CD34: variants seen among roughly 807,000 people sequenced by gnomAD.
CD34 encodes the protein hematopoietic progenitor cell antigen CD34.
CD34 carries 34 observed loss-of-function variants against 40.1 expected under a neutral mutation model. That is an observed-to-expected ratio of 0.85 (90% CI 0.65 to 1.13). The LOEUF is 1.13. Ranked by LOEUF, CD34 falls within the 50% of genes most tolerant of loss-of-function variation. The probability of loss-of-function intolerance (pLI) is 0.00; values close to 1 mark genes in which losing one functional copy is unlikely to be tolerated. For missense variants in CD34, 426 were observed against 466.9 expected, an observed-to-expected ratio of 0.91 and a Z score of 0.81; for synonymous variants, 209 against 190.0, an observed-to-expected ratio of 1.10 and a Z score of -0.82.
At chr1:207,891,892 G>A (rs1662045312) in intron 4 of CD34, among the ~76,000 whole-genome samples, 1 of 152,044 alleles carries the variant, frequency 6.6e-6, no homozygotes, top group Admixed American at 6.6e-5. Context: ...GACATACTAA[G>A]GAGCGTGAGG....
At chr1:207,898,114 T>C (rs579475) in intron 3 of CD34, among the ~76,000 whole-genome samples, 122,494 of 151,576 alleles carry the variant, frequency 0.81, 49,946 homozygotes, top group Admixed American at 0.87. Context: ...GGCATGATCT[T>C]GGCTCACTGC....
intron 1 of CD34, among the ~76,000 whole-genome samples, chr1:207,906,210 A>G (rs1662377510): frequency 6.6e-6 from 1 of 152,198 alleles, no homozygotes; most frequent in Non-Finnish European, 1.5e-5. Context: ...CAGCCCAAAG[A>G]ATAGAATTAG....
At chr1:207,905,246 C>T (rs1467687646) in intron 1 of CD34, among the ~76,000 whole-genome samples, 1 of 152,236 alleles carries the variant, frequency 6.6e-6, no homozygotes, top group Admixed American at 6.5e-5. Context: ...AGACATTCTC[C>T]TGCCTCAGCC....
chr1:207,911,069 G>T lies in CD34; in HGVS notation c.12C>A (p.Arg4=), dbSNP rs1402814444. 1 of 1,585,838 alleles carries T rather than the reference G, an allele frequency of 6.3e-7. No individual in the cohort carries two copies. The stretch of plus-strand genomic sequence containing the variant: ...TCCTGGGCCCTGCGCGCGCGCCCCT[G>T]CGGACCAGCATCCTTCCCGCGCGGC... MLV[R]RGARAGPRMP... Residue 4 remains arginine (R), a synonymous_variant, in exon 1 of 8, where the codon CGC becomes CGA. Transcript: ENST00000310833.
chr1:207,888,616 A>G (rs760185015), intron 7 of CD34, 66 bp downstream of exon 7: 2 of 1,488,852 alleles, frequency 1.3e-6, no homozygotes, highest in Non-Finnish European at 1.9e-6. Context: ...GCTCCATGAC[A>G]TCCACTGAAC....
At chr1:207,891,068 T>C (rs1458997531) in intron 4 of CD34, among the ~76,000 whole-genome samples, 1 of 151,722 alleles carries the variant, frequency 6.6e-6, no homozygotes, top group Non-Finnish European at 1.5e-5. Context: ...AGGAGGGGGT[T>C]TCTTGCCTGG....
rs1662238386 is a variant in CD34, at chr1:207,899,866, G to A, written c.217C>T (p.His73Tyr). Residue 73 changes from histidine (H) to tyrosine (Y), a missense_variant, in exon 2 of 8, where the codon CAC (histidine) becomes TAC (tyrosine). Physicochemically the swap from His to Tyr is moderately conservative, Grantham distance 83. Coordinates refer to ENST00000310833, the MANE Select transcript of CD34 (RefSeq NM_001025109.2). ...TPSTLGSTSL[H>Y]PVSQHGNEAT... Reference sequence around the variant, plus strand: ...TCATTGCCATGTTGAGACACAGGGTGCAGGCTGGTACTTCCAAGGGTACTA... The same window carrying A: ...TCATTGCCATGTTGAGACACAGGGTACAGGCTGGTACTTCCAAGGGTACTA... 6.2e-7 allele frequency: 1 copy of A among 1,613,684 alleles called. No individual in the cohort carries two copies. The highest frequency in any genetic ancestry group is 8.5e-7 in the Non-Finnish European group (1 of 1,179,764).
intron 1 of CD34, among the ~76,000 whole-genome samples, chr1:207,909,983 G>A (rs12133878): frequency 1.3e-5 from 2 of 152,240 alleles, no homozygotes; most frequent in Admixed American, 1.3e-4. Context: ...GTACAGAATT[G>A]GGAGCCCTAG....
intron 4 of CD34, among the ~76,000 whole-genome samples, chr1:207,895,940 A>G (rs1662142849): frequency 6.6e-6 from 1 of 152,164 alleles, no homozygotes; most frequent in Non-Finnish European, 1.5e-5. Context: ...TAAGTTAACT[A>G]TTTTGCAGAC....
Position 207,899,137 on chromosome 1 carries a change from T to C in CD34, c.352A>G (p.Ser118Gly). 1 of 1,614,214 alleles carries C rather than the reference T, an allele frequency of 6.2e-7. No individual in the cohort carries two copies. The highest frequency in any genetic ancestry group is 8.5e-7 in the Non-Finnish European group (1 of 1,180,018). Residue 118 changes from serine (S) to glycine (G), a missense_variant, in exon 3 of 8, where the codon AGC becomes GGC. By Grantham distance (56) the Ser-to-Gly change is moderately conservative. Transcript: ENST00000310833. Reference sequence around the variant, plus strand: ...TTGGCTGGGGTGGTGAACACTGTGCTGATTACAGAGGTCTGTGACTGGACA... The same window carrying C: ...TTGGCTGGGGTGGTGAACACTGTGCCGATTACAGAGGTCTGTGACTGGACA... The part of the protein sequence containing the change: ...SSVQSQTSVI[S>G]TVFTTPANVS...
At chr1:207,910,012 G>A in intron 1 of CD34, among the ~76,000 whole-genome samples, 1 of 152,256 alleles carries the variant, frequency 6.6e-6, no homozygotes, top group East Asian at 1.9e-4. Flanking sequence ...AAGCAAAAGG[G>A]AGAGCAATGT....
At chr1:207,910,633 T>C (rs1217436756) in intron 1 of CD34, among the ~76,000 whole-genome samples, 1 of 152,158 alleles carries the variant, frequency 6.6e-6, no homozygotes, top group East Asian at 1.9e-4. Context: ...CACAAAACTT[T>C]TCCTGCTTCT....
At position 207,909,825 on chromosome 1, in the gene CD34, ACTT is replaced by A. The variant is rs368892468; in HGVS notation, c.79+1174_79+1176del. On this transcript the variant is annotated intron_variant, in intron 1 of 7. Transcript: ENST00000310833. ...GGACTGCCAAACAGGGCAACCCAAA[ACTT>A]CTCTCAGAGCTTCCTCCAGCCCAGG... 1.2e-3 allele frequency among the ~76,000 whole-genome samples: 188 copies of A among 152,216 alleles called. 1 individual carries two copies. Among genetic ancestry groups the A allele is most frequent in the African/African-American group, 4.3e-3 (179 of 41,538 alleles).
intron 4 of CD34, among the ~76,000 whole-genome samples, chr1:207,892,940 A>T (rs1662067262): frequency 6.6e-6 from 1 of 152,188 alleles, no homozygotes; most frequent in African/African-American, 2.4e-5. Flanking sequence ...ATTCAAGGGA[A>T]TAATAGCGGC....
At chr1:207,902,302 C>T (rs149175642) in intron 1 of CD34, among the ~76,000 whole-genome samples, 1 of 152,304 alleles carries the variant, frequency 6.6e-6, no homozygotes, top group African/African-American at 2.4e-5. Flanking sequence ...TGAGTAGATG[C>T]AACAAGGAGG....
chr1:207,907,677 T>C (rs1662409330), intron 1 of CD34, among the ~76,000 whole-genome samples: 1 of 152,350 alleles, frequency 6.6e-6, no homozygotes, highest in South Asian at 2.1e-4. Context: ...CACCTTTATA[T>C]GCATCCCTAT....
chr1:207,891,897 G>A (rs933293908), intron 4 of CD34, among the ~76,000 whole-genome samples: 11 of 152,158 alleles, frequency 7.2e-5, no homozygotes, highest in East Asian at 3.9e-4. Context: ...ACTAAGGAGC[G>A]TGAGGACACG....
chr1:207,906,822 C>CA (rs1204820896), intron 1 of CD34, among the ~76,000 whole-genome samples: 1 of 151,332 alleles, frequency 6.6e-6, no homozygotes, highest in African/African-American at 2.4e-5. Flanking sequence ...CCAGCCTGAG[C>CA]AACAAGAGAG....
At position 207,889,729 on chromosome 1, in the gene CD34, G is replaced by A. The variant is rs927998193; in HGVS notation, c.598-108C>T. On this transcript the variant is annotated intron_variant, in intron 4 of 7. Transcript: ENST00000310833. ...CATACTCTTACCCCGTCCGCAAGAA[G>A]GATCCTTGTTTCTAAAATTCCAACA... 5.0e-6 allele frequency: 8 copies of A among 1,594,948 alleles called. No individual in the cohort carries two copies. In the African/African-American group the frequency reaches 5.5e-5, roughly 11 times the overall value.
Sources: gnomAD v4.1 joint callset for allele counts (sites outside exome capture counted in the v4.1 genomes callset) on GRCh38, gnomAD v4.1.1 for gene constraint, MANE v1.5 for transcripts, NCBI Gene and HGNC (gene_info 2026-07-23, HGNC 2026-07-21) for gene names.